Variants in VPS13D observed in about 807,000 individuals in gnomAD.
VPS13D encodes vacuolar protein sorting 13 homolog D, also known as intermembrane lipid transfer protein VPS13D.
Under a neutral mutation model 461.9 loss-of-function variants are expected in VPS13D, and 187 were observed. The ratio of observed to expected loss-of-function variants is 0.40; its 90% CI spans 0.36 to 0.46. The LOEUF is 0.46. Ranked by LOEUF, VPS13D falls within the 20% of genes least tolerant of loss-of-function variation. The pLI is 0.60. For synonymous variants in VPS13D, 1,951 were observed against 1,986.3 expected, an observed-to-expected ratio of 0.98 and a Z score of 0.47; for missense variants, 4,711 against 5,364.9, an observed-to-expected ratio of 0.88 and a Z score of 3.81.
intron 65 of VPS13D, among the ~76,000 whole-genome samples, chr1:12,421,353 T>C (rs1213375991): frequency 6.6e-6 from 1 of 152,216 alleles, no homozygotes; most frequent in African/African-American, 2.4e-5. Flanking sequence ...TTTAAGAAAA[T>C]GACAGCATTT....
At chr1:12,471,648 A>G (rs1012490709) in intron 67 of VPS13D, among the ~76,000 whole-genome samples, 2 of 152,206 alleles carry the variant, frequency 1.3e-5, no homozygotes, top group Non-Finnish European at 2.9e-5. Context: ...CAGTACAGTT[A>G]TATGATCCTT....
chr1:12,366,109 A>G (rs1035732456), intron 52 of VPS13D, among the ~76,000 whole-genome samples: 3 of 151,980 alleles, frequency 2.0e-5, no homozygotes, highest in African/African-American at 4.8e-5. Flanking sequence ...AGGTCTCACT[A>G]TGTTGCCCAG....
intron 44 of VPS13D, 103 bp from the exon 45 acceptor site, chr1:12,348,720 G>T: frequency 7.3e-7 from 1 of 1,374,982 alleles, no homozygotes; most frequent in Non-Finnish European, 9.9e-7. Context: ...AAGAACTATA[G>T]TAGTAATAAG....
rs1643883389 is a variant in VPS13D, at chr1:12,356,069, T to A, written c.9850T>A (p.Tyr3284Asn). 4 of 1,611,270 alleles carry A rather than the reference T, an allele frequency of 2.5e-6. No individual in the cohort carries two copies. Among genetic ancestry groups the A allele is most frequent in the Non-Finnish European group, 3.4e-6 (4 of 1,178,318 alleles). ...CTTAAAGATCTTCATTTCTGCTCCA[T>A]ATTGGCTGATTAACAAAACAGGTAC... is the stretch of plus-strand genomic sequence containing the variant. ...GSLKIFISAP[Y>N]WLINKTGLPL... Residue 3284 changes from tyrosine (Y) to asparagine (N), a missense_variant, in exon 48 of 70, where the codon TAT becomes AAT. Physicochemically the swap from Tyr to Asn is moderately radical, Grantham distance 143. Around this residue, in one of 3 missense-constraint regions of VPS13D, gnomAD observed 4,411 missense variants for 4,937.8 expected, o/e 0.89. Coordinates refer to ENST00000620676, the MANE Select transcript of VPS13D (RefSeq NM_015378.4).
intron 67 of VPS13D, among the ~76,000 whole-genome samples, chr1:12,467,826 AT>A (rs1645510011): frequency 6.6e-6 from 1 of 152,102 alleles, no homozygotes; most frequent in African/African-American, 2.4e-5. Context: ...CATTATAATC[AT>A]TTCTAGAAAG....
At chr1:12,401,003 C>CAA (rs1553188718) in intron 61 of VPS13D, among the ~76,000 whole-genome samples, 4 of 150,566 alleles carry the variant, frequency 2.7e-5, no homozygotes, top group Admixed American at 6.6e-5. Flanking sequence ...CACACACACA[C>CAA]AATAACCCTG....
intron 65 of VPS13D, among the ~76,000 whole-genome samples, chr1:12,436,754 C>T (rs530544374): frequency 1.1e-4 from 17 of 152,226 alleles, no homozygotes; most frequent in South Asian, 2.1e-4. Flanking sequence ...CCGCAACCTC[C>T]GCCTCCCAGA....
chr1:12,279,347 G>A lies in VPS13D; in HGVS notation c.4451-152G>A, dbSNP rs774622078. 1.9e-5 allele frequency: 14 copies of A among 732,124 alleles called. No individual in the cohort carries two copies. Among genetic ancestry groups the A allele is most frequent in the Admixed American group, 1.3e-4 (4 of 29,750 alleles). 45.4% of individuals were successfully genotyped at this position (732,124 alleles called of 1,614,324 possible). The stretch of plus-strand genomic sequence containing the variant: ...GGCCTCAGGATAGCTGTCAAGGTTT[G>A]CTCTCAATCATAGACCCCGGGTGCC... On this transcript the variant is annotated intron_variant, in intron 19 of 69. Coordinates refer to ENST00000620676, the MANE Select transcript of VPS13D (RefSeq NM_015378.4). The surrounding 1 kb of genome is among the most constrained non-coding windows in gnomAD (Gnocchi z 4.3).
intron 15 of VPS13D, among the ~76,000 whole-genome samples, chr1:12,268,220 G>A (rs548760952): frequency 6.8e-6 from 1 of 147,268 alleles, no homozygotes; most frequent in Admixed American, 6.7e-5. Context: ...AAAGTGCTGG[G>A]ATTACAAGTG....
In VPS13D at chr1:12,502,655, AGAG is replaced by A. The variant is rs1162831450; in HGVS notation, c.12795-4197_12795-4195del. On this transcript the variant is annotated intron_variant, in intron 68 of 69. Coordinates refer to ENST00000620676, the MANE Select transcript of VPS13D (RefSeq NM_015378.4). The surrounding 1 kb of genome is among the most constrained non-coding windows in gnomAD (Gnocchi z 4.3). ...GAGTTAATATCGAAAAAAAAAAAAAAGAGCAGGAGGAAAATTAAGTAGAGTGGC... is the reference window on the plus strand; with the variant it reads ...GAGTTAATATCGAAAAAAAAAAAAAACAGGAGGAAAATTAAGTAGAGTGGC... Among the ~76,000 whole-genome samples, 2 of 151,268 alleles carry A rather than the reference AGAG, an allele frequency of 1.3e-5. No homozygotes were observed. The highest frequency in any genetic ancestry group is 4.9e-5 in the African/African-American group (2 of 41,220).
chr1:12,422,503 A>C (rs929674446), intron 65 of VPS13D, among the ~76,000 whole-genome samples: 2 of 152,162 alleles, frequency 1.3e-5, no homozygotes, highest in African/African-American at 4.8e-5. Context: ...ATGTTGTTTT[A>C]GCCATTGTTT....
At chr1:12,334,136 G>A (rs1304198682) in intron 38 of VPS13D, among the ~76,000 whole-genome samples, 1 of 152,104 alleles carries the variant, frequency 6.6e-6, no homozygotes, top group East Asian at 1.9e-4. Context: ...ACTTCCTTAC[G>A]CATGTCAGAG....
At chr1:12,318,533 C>T (rs1391269387) in intron 31 of VPS13D, among the ~76,000 whole-genome samples, 196 bp downstream of exon 31, 1 of 152,166 alleles carries the variant, frequency 6.6e-6, no homozygotes, top group African/African-American at 2.4e-5. Context: ...CTGAAGACTG[C>T]GGGGTCGCTT....
At chr1:12,397,939 A>G (rs1225089824) in intron 60 of VPS13D, among the ~76,000 whole-genome samples, 1 of 152,126 alleles carries the variant, frequency 6.6e-6, no homozygotes, top group East Asian at 1.9e-4. Context: ...ATGGTAGGGA[A>G]CCTGAAAGAG....
intron 7 of VPS13D, 62 bp downstream of exon 7, chr1:12,253,888 C>T: frequency 7.5e-7 from 1 of 1,337,910 alleles, no homozygotes; most frequent in Non-Finnish European, 1.1e-6. Context: ...CGTAGGGTCA[C>T]TGCCACGGGG....
rs70987243 is a variant in VPS13D at position 12,260,015 on chromosome 1, C to CTTTTT, written c.1111-654_1111-650dup. Among the ~76,000 whole-genome samples the CTTTTT allele has an allele frequency of 5.1e-4, 37 of 72,806 alleles. 4 individuals carry two copies. Among genetic ancestry groups the CTTTTT allele is most frequent in the African/African-American group, 1.4e-3 (35 of 25,522 alleles). The allele number at this position is 72,806 out of a possible 152,430, so 47.8% of individuals were successfully genotyped here. On this transcript the variant is annotated intron_variant, in intron 10 of 69. Coordinates refer to ENST00000620676, the MANE Select transcript of VPS13D (RefSeq NM_015378.4). ...TGCAATAGTCCATATGCTTTAGTGACTTTTTTTTTTTTTTTTTTTTTTTTT... is the reference window on the plus strand; with the variant it reads ...TGCAATAGTCCATATGCTTTAGTGACTTTTTTTTTTTTTTTTTTTTTTTTTTTTTT...
intron 60 of VPS13D, among the ~76,000 whole-genome samples, chr1:12,390,490 A>G (rs1403220472): frequency 2.0e-5 from 3 of 152,206 alleles, no homozygotes; most frequent in Admixed American, 6.5e-5. Context: ...GTCAGAGGCA[A>G]TGCTGTGTGG....
At chr1:12,457,808 C>T (rs1645349728) in intron 66 of VPS13D, among the ~76,000 whole-genome samples, 1 of 152,186 alleles carries the variant, frequency 6.6e-6, no homozygotes, top group Admixed American at 6.5e-5. Context: ...AAGGAGACGT[C>T]AGGCCAGAAG....
chr1:12,421,146 C>A (rs372397789), intron 65 of VPS13D, among the ~76,000 whole-genome samples: 20 of 152,290 alleles, frequency 1.3e-4, no homozygotes, highest in South Asian at 1.2e-3. Flanking sequence ...CATCTCCCAA[C>A]GCTAGAAATC....
Sources: gnomAD v4.1 joint callset for allele counts (sites outside exome capture counted in the v4.1 genomes callset) on GRCh38, gnomAD v4.1.1 for gene constraint, gnomAD v4.1.1 regional missense constraint, Gnocchi (gnomAD v3.1) non-coding constraint, MANE v1.5 for transcripts, NCBI Gene and HGNC (gene_info 2026-07-23, HGNC 2026-07-21) for gene names.